DYNC2H1: variants seen among roughly 807,000 people sequenced by gnomAD.
DYNC2H1 encodes the protein cytoplasmic dynein 2 heavy chain 1.
Under a neutral mutation model 570.0 loss-of-function variants are expected in DYNC2H1, and 410 were observed. That is an observed-to-expected ratio of 0.72 (90% CI 0.66 to 0.78). DYNC2H1 has a LOEUF of 0.78. Ranked by LOEUF, DYNC2H1 falls within the 30% of genes least tolerant of loss-of-function variation. The pLI, the probability that DYNC2H1 is intolerant of heterozygous loss-of-function variation, is 0.00. For synonymous variants in DYNC2H1, 1,688 were observed against 1,677.6 expected (o/e 1.01, Z -0.15); for missense variants, 4,865 against 5,046.4 (o/e 0.96, Z 1.09).
chr11:103,185,895 A>G lies in DYNC2H1; in HGVS notation c.6634-347A>G, dbSNP rs1166743001. ...TGGTAGTGACACTGTGATGGACAGT[A>G]CCAGGATATGGCAGAAATGAAGGGC... On this transcript the variant is annotated intron_variant, in intron 41 of 88. Coordinates refer to ENST00000375735, the MANE Select transcript of DYNC2H1 (RefSeq NM_001377.3). This position sits in a 1 kb window ranked among gnomAD's most constrained non-coding sequence, Gnocchi z 4.5. Among the ~76,000 whole-genome samples the G allele has an allele frequency of 1.3e-5, 2 of 151,982 alleles. No homozygotes were observed. Among genetic ancestry groups the G allele is most frequent in the Non-Finnish European group, 2.9e-5 (2 of 67,934 alleles).
intron 18 of DYNC2H1, among the ~76,000 whole-genome samples, chr11:103,146,253 C>G (rs1860234566): frequency 6.6e-6 from 1 of 152,112 alleles, no homozygotes; most frequent in African/African-American, 2.4e-5. Context: ...TCACCTGGCT[C>G]TATGCTTTAA....
chr11:103,304,757 A>C, intron 77 of DYNC2H1, 37 bp downstream of exon 77: 1 of 1,591,696 alleles, frequency 6.3e-7, no homozygotes, highest in Non-Finnish European at 8.6e-7. Flanking sequence ...TATCTATTAT[A>C]CTCAACTTAG....
Position 103,289,884 on chromosome 11 carries a change from G to A in DYNC2H1, c.11095+2279G>A, listed in dbSNP as rs578233044. On this transcript the variant is annotated intron_variant, in intron 75 of 88. Transcript: ENST00000375735. This position sits in a 1 kb window ranked among gnomAD's most constrained non-coding sequence, Gnocchi z 4.2. ...AGTGTTCCTCAATCCAATATGATTGGTGTCCTTACAAGAAGACATCCATGT... is the reference window on the plus strand; with the variant it reads ...AGTGTTCCTCAATCCAATATGATTGATGTCCTTACAAGAAGACATCCATGT... Among the ~76,000 whole-genome samples, 4 of 152,018 alleles carry A rather than the reference G, an allele frequency of 2.6e-5. No individual in the cohort carries two copies. In the East Asian group the frequency reaches 5.8e-4, roughly 22 times the overall value.
intron 20 of DYNC2H1, 45 bp from the exon 21 acceptor site, chr11:103,152,091 A>T: frequency 2.7e-6 from 4 of 1,473,032 alleles, no homozygotes; most frequent in Non-Finnish European, 3.7e-6. Flanking sequence ...GAGATTTGAT[A>T]AAATAGGTTG....
intron 84 of DYNC2H1, among the ~76,000 whole-genome samples, chr11:103,405,985 G>C (rs1215963279): frequency 6.6e-6 from 1 of 151,970 alleles, no homozygotes; most frequent in Non-Finnish European, 1.5e-5. Flanking sequence ...TCCCCGACAA[G>C]GGCAGGAGAA....
rs1438459047 is a variant in DYNC2H1, at chr11:103,261,590, A to T, written c.10695+1613A>T. Among the ~76,000 whole-genome samples the T allele has an allele frequency of 6.6e-6, 1 of 152,192 alleles. No homozygotes were observed. Among genetic ancestry groups the T allele is most frequent in the Non-Finnish European group, 1.5e-5 (1 of 68,032 alleles). ...GTGGACCTCCTGCAAAGTCCAGCAG[A>T]CCTGCAGCAGAGGGGCCTGACTGTT... On this transcript the variant is annotated intron_variant, in intron 70 of 88. Transcript: ENST00000375735. The surrounding 1 kb of genome is among the most constrained non-coding windows in gnomAD (Gnocchi z 4.8).
intron 82 of DYNC2H1, among the ~76,000 whole-genome samples, chr11:103,345,979 A>G (rs1668714545): frequency 6.6e-6 from 1 of 152,184 alleles, no homozygotes; most frequent in Non-Finnish European, 1.5e-5. Flanking sequence ...CTAGCTACAT[A>G]TTCACTTATT....
intron 75 of DYNC2H1, among the ~76,000 whole-genome samples, chr11:103,292,980 A>G (rs574816827): frequency 1.8e-4 from 27 of 152,332 alleles, no homozygotes; most frequent in African/African-American, 6.3e-4. Context: ...CCGCAATTAC[A>G]GTGTTAGCAT....
At chr11:103,447,054 C>G (rs972998182) in intron 85 of DYNC2H1, among the ~76,000 whole-genome samples, 11 of 151,980 alleles carry the variant, frequency 7.2e-5, no homozygotes, top group African/African-American at 2.4e-4. Context: ...ACTCATTTCT[C>G]TATTTAGAAA....
intron 82 of DYNC2H1, among the ~76,000 whole-genome samples, chr11:103,354,176 CAAAACAAAAAA>C (rs1940200751): frequency 2.0e-5 from 1 of 50,904 alleles, no homozygotes; most frequent in Non-Finnish European, 4.2e-5. Context: ...GGCTCTGTCT[CAAAACAAAAAA>C]AAAAAAAAAA....
chr11:103,287,061 T>C (rs1866379422), intron 74 of DYNC2H1, among the ~76,000 whole-genome samples: 1 of 152,158 alleles, frequency 6.6e-6, no homozygotes, highest in Admixed American at 6.5e-5. Context: ...AAGGATCACA[T>C]GAGCTCAGGA....
At chr11:103,248,208 C>T (rs1864692521) in intron 65 of DYNC2H1, among the ~76,000 whole-genome samples, 1 of 151,904 alleles carries the variant, frequency 6.6e-6, no homozygotes, top group Non-Finnish European at 1.5e-5. Context: ...TTAGATTTGC[C>T]TTTAATTAAG....
chr11:103,456,533 A>T (rs1173993547), intron 87 of DYNC2H1, among the ~76,000 whole-genome samples, 177 bp downstream of exon 87: 1 of 152,212 alleles, frequency 6.6e-6, no homozygotes, highest in Admixed American at 6.5e-5. Flanking sequence ...TGTAATAGAA[A>T]ATACAGACTC....
Position 103,203,694 on chromosome 11 carries a change from A to G in DYNC2H1, c.8229A>G (p.Glu2743=), listed in dbSNP as rs914320370. ...GEVPGLYTLE[E]LEPLLLPLKD... is the part of the protein sequence containing the mutation. ...TTCCTGGACTCTATACTCTTGAAGA[A>G]TTAGAGCCCTTGCTGTTACCACTTA... Residue 2743 remains glutamate (E), a synonymous_variant, in exon 51 of 89, where the codon GAA becomes GAG. Transcript: ENST00000375735. The surrounding 1 kb of genome is among the most constrained non-coding windows in gnomAD (Gnocchi z 4.7). The G allele has an allele frequency of 6.2e-7, 1 of 1,612,168 alleles. No individual in the cohort carries two copies. Among genetic ancestry groups the G allele is most frequent in the African/African-American group, 1.3e-5 (1 of 75,004 alleles).
chr11:103,120,789 A>G lies in DYNC2H1; in HGVS notation c.1235A>G (p.Asp412Gly). The change falls in exon 8 of 89, where the codon GAC becomes GGC. Residue 412 changes from aspartate to glycine, a missense_variant. Around this residue, in one of 5 missense-constraint regions of DYNC2H1, gnomAD observed 1,936 missense variants for 1,962.1 expected, o/e 0.99. Transcript: ENST00000375735. ...AAAAATTATATTTCAGAAATTCAAG[A>G]CAGTCCACAGCAGGTAAAACATTGA... ...KLKNYISEIQDSPQQLLQAFL... is the reference protein window; with the variant it reads ...KLKNYISEIQGSPQQLLQAFL... 1 of 1,558,196 alleles carries G rather than the reference A, an allele frequency of 6.4e-7. No homozygotes were observed. Among genetic ancestry groups the G allele is most frequent in the South Asian group, 1.2e-5 (1 of 85,398 alleles).
At chr11:103,136,288 A>G (rs891056761) in intron 17 of DYNC2H1, among the ~76,000 whole-genome samples, 2 of 151,558 alleles carry the variant, frequency 1.3e-5, no homozygotes, top group East Asian at 3.9e-4. Context: ...TGCAGGTTAC[A>G]TATGTATACA....
chr11:103,110,165 G>T (rs749468981), intron 1 of DYNC2H1, among the ~76,000 whole-genome samples: 6 of 151,868 alleles, frequency 4.0e-5, no homozygotes, highest in African/African-American at 9.7e-5. Flanking sequence ...AGTAGCAGGC[G>T]CGCGCCGCCA....
At chr11:103,192,318 T>A in intron 47 of DYNC2H1, 54 bp downstream of exon 47, 1 of 1,332,412 alleles carries the variant, frequency 7.5e-7, no homozygotes, top group Non-Finnish European at 9.8e-7. Flanking sequence ...TTTCAGAAAT[T>A]TTTTCTTACC....
In DYNC2H1 at chr11:103,166,025, G is replaced by A. The variant is rs1306723372; in HGVS notation, c.4739G>A (p.Ser1580Asn). ...GAGCAATATACTAACATTGATACAAGTTCTGAGGATCCAGGGAATACTGGT... is the reference window on the plus strand; with the variant it reads ...GAGCAATATACTAACATTGATACAAATTCTGAGGATCCAGGGAATACTGGT... ...KLEQYTNIDTSSEDPGNTESG... is the reference protein window; with the variant it reads ...KLEQYTNIDTNSEDPGNTESG... Residue 1580 changes from serine (S) to asparagine (N), a missense_variant, in exon 31 of 89, where the codon AGT becomes AAT. By Grantham distance (46) the Ser-to-Asn change is conservative (BLOSUM62 1). This residue lies in a region of DYNC2H1 where 1,936 missense variants were observed against 1,962.1 expected (regional missense o/e 0.99). Coordinates refer to ENST00000375735, the MANE Select transcript of DYNC2H1 (RefSeq NM_001377.3). 3 of 1,530,548 alleles carry A rather than the reference G, an allele frequency of 2.0e-6. No individual in the cohort carries two copies. Among genetic ancestry groups the A allele is most frequent in the African/African-American group, 1.4e-5 (1 of 72,472 alleles). 94.8% of individuals were successfully genotyped at this position (1,530,548 alleles called of 1,614,324 possible).
Sources: gnomAD v4.1 joint callset for allele counts (sites outside exome capture counted in the v4.1 genomes callset) on GRCh38, gnomAD v4.1.1 for gene constraint, gnomAD v4.1.1 regional missense constraint, Gnocchi (gnomAD v3.1) non-coding constraint, MANE v1.5 for transcripts, NCBI Gene and HGNC (gene_info 2026-07-23, HGNC 2026-07-21) for gene names.